PTPRD: variants seen among roughly 807,000 people sequenced by gnomAD.
The protein encoded by PTPRD is protein tyrosine phosphatase receptor type D, also known as receptor-type tyrosine-protein phosphatase delta.
A neutral mutation model predicts 214.5 loss-of-function variants in PTPRD; 34 were observed. The observed-to-expected ratio is 0.16, with a 90% CI of 0.12 to 0.21. The LOEUF is 0.21. PTPRD is among the 10% of genes least tolerant of loss of function. The pLI is 1.00. For synonymous variants in PTPRD, 1,128 were observed against 845.7 expected, an observed-to-expected ratio of 1.33 and a Z score of -5.79; for missense variants, 2,545 against 2,398.7, an observed-to-expected ratio of 1.06 and a Z score of -1.27.
intron 2 of PTPRD, among the ~76,000 whole-genome samples, chr9:10,609,741 T>A (rs1232407245): frequency 6.6e-6 from 1 of 152,108 alleles, no homozygotes; most frequent in African/African-American, 2.4e-5. Flanking sequence ...CACATCTAAT[T>A]AGCATTGTTT....
intron 10 of PTPRD, among the ~76,000 whole-genome samples, chr9:9,048,803 T>G (rs2099678768): frequency 6.6e-6 from 1 of 151,970 alleles, no homozygotes; most frequent in African/African-American, 2.4e-5. Context: ...AAAAATAACT[T>G]AAGGAGTGTA....
intron 12 of PTPRD, among the ~76,000 whole-genome samples, chr9:8,659,626 T>C (rs1266114051): frequency 2.0e-5 from 3 of 152,144 alleles, no homozygotes; most frequent in Non-Finnish European, 2.9e-5. Context: ...ATCTGTGGGG[T>C]CTTGGACCAA....
intron 8 of PTPRD, among the ~76,000 whole-genome samples, chr9:9,449,568 G>C (rs2091517648): frequency 6.6e-6 from 1 of 151,916 alleles, no homozygotes; most frequent in Non-Finnish European, 1.5e-5. Context: ...TAGTTCATTT[G>C]AGTCCTCCAG....
At chr9:8,430,649 G>A (rs2094982904) in intron 35 of PTPRD, among the ~76,000 whole-genome samples, 1 of 151,952 alleles carries the variant, frequency 6.6e-6, no homozygotes, top group African/African-American at 2.4e-5. Context: ...GTAGCAGTGG[G>A]GTAGTACCTA....
intron 11 of PTPRD, among the ~76,000 whole-genome samples, chr9:9,006,200 C>G (rs937485888): frequency 1.4e-5 from 1 of 69,868 alleles, no homozygotes; most frequent in Non-Finnish European, 3.2e-5. Flanking sequence ...TGTATCCAAC[C>G]GATGATGTAA....
chr9:10,101,761 C>A (rs1010261859), intron 3 of PTPRD, among the ~76,000 whole-genome samples: 2 of 151,682 alleles, frequency 1.3e-5, no homozygotes, highest in Non-Finnish European at 2.9e-5. Context: ...CTCAACTGTA[C>A]TCAGTAAGAG....
At chr9:9,931,863 C>T (rs1327363868) in intron 5 of PTPRD, among the ~76,000 whole-genome samples, 2 of 150,664 alleles carry the variant, frequency 1.3e-5, no homozygotes, top group South Asian at 2.1e-4. Flanking sequence ...GTTCTCCCAG[C>T]ACGCAGCTGG....
intron 11 of PTPRD, among the ~76,000 whole-genome samples, chr9:8,752,847 C>A (rs144213276): frequency 8.2e-4 from 125 of 152,222 alleles, no homozygotes; most frequent in African/African-American, 2.6e-3. Context: ...AACTGCTGAT[C>A]CAGAGAATTG....
intron 9 of PTPRD, among the ~76,000 whole-genome samples, chr9:9,197,063 G>A (rs2099939019): frequency 6.6e-6 from 1 of 152,086 alleles, no homozygotes; most frequent in African/African-American, 2.4e-5. Flanking sequence ...CCCCAACTTA[G>A]TTAATGTGTA....
chr9:8,966,746 A>T (rs1290654602), intron 11 of PTPRD, among the ~76,000 whole-genome samples: 1 of 152,132 alleles, frequency 6.6e-6, no homozygotes, highest in Non-Finnish European at 1.5e-5. Flanking sequence ...CAAAACCAAA[A>T]CATGACAAAT....
intron 3 of PTPRD, among the ~76,000 whole-genome samples, chr9:10,034,028 T>C (rs1004901871): frequency 6.6e-6 from 1 of 152,104 alleles, no homozygotes; most frequent in Non-Finnish European, 1.5e-5. Context: ...TTTAGAAGAA[T>C]CAATATCATT....
At chr9:9,271,362 C>T (rs1942849107) in intron 9 of PTPRD, among the ~76,000 whole-genome samples, 2 of 150,850 alleles carry the variant, frequency 1.3e-5, no homozygotes, top group East Asian at 2.0e-4. Context: ...TCACCTTCTC[C>T]AAACTTCTAA....
chr9:10,380,618 T>C (rs2097800703), intron 2 of PTPRD, among the ~76,000 whole-genome samples: 1 of 152,058 alleles, frequency 6.6e-6, no homozygotes, highest in Non-Finnish European at 1.5e-5. Flanking sequence ...TTTACCAATT[T>C]ACCTTAGGCA....
chr9:10,038,198 T>C (rs1384838551), intron 3 of PTPRD, among the ~76,000 whole-genome samples: 4 of 152,138 alleles, frequency 2.6e-5, no homozygotes, highest in African/African-American at 7.2e-5. Context: ...TTCTTAATTA[T>C]TGACCATGTA....
At chr9:8,620,322 C>A (rs1442164825) in intron 14 of PTPRD, among the ~76,000 whole-genome samples, 6 of 152,018 alleles carry the variant, frequency 3.9e-5, no homozygotes, top group African/African-American at 1.4e-4. Context: ...CTAAACCATT[C>A]CTGCCTTCTA....
At chr9:9,587,470 C>G (rs1159069387) in intron 7 of PTPRD, among the ~76,000 whole-genome samples, 1 of 151,986 alleles carries the variant, frequency 6.6e-6, no homozygotes, top group African/African-American at 2.4e-5. Flanking sequence ...GATTTATATG[C>G]TGTTAGAACT....
At chr9:9,902,789 G>C (rs1425980377) in intron 5 of PTPRD, among the ~76,000 whole-genome samples, 1 of 152,112 alleles carries the variant, frequency 6.6e-6, no homozygotes, top group Admixed American at 6.6e-5. Context: ...GTGAGCTAGA[G>C]CTCATCTTTC....
intron 10 of PTPRD, among the ~76,000 whole-genome samples, chr9:9,110,763 G>A (rs2099804921): frequency 6.6e-6 from 1 of 152,104 alleles, no homozygotes; most frequent in Non-Finnish European, 1.5e-5. Context: ...TTTGTGCCAG[G>A]CATTTTGTTA....
chr9:10,441,037 T>G (rs1484121626), intron 2 of PTPRD, among the ~76,000 whole-genome samples: 1 of 151,686 alleles, frequency 6.6e-6, no homozygotes, highest in Non-Finnish European at 1.5e-5. Context: ...ATCCACATGT[T>G]CTCAAATTTC....
Sources: gnomAD v4.1 joint callset for allele counts (sites outside exome capture counted in the v4.1 genomes callset) on GRCh38, gnomAD v4.1.1 for gene constraint, MANE v1.5 for transcripts, NCBI Gene and HGNC (gene_info 2026-07-23, HGNC 2026-07-21) for gene names.